Variants in OPCML observed in about 807,000 individuals in gnomAD.
OPCML encodes opioid-binding protein/cell adhesion molecule.
Under a neutral mutation model 37.8 loss-of-function variants are expected in OPCML, and 13 were observed. The observed-to-expected ratio is 0.34, with a 90% CI of 0.22 to 0.55. OPCML has a LOEUF of 0.55. Ranked by LOEUF, OPCML falls within the 20% of genes least tolerant of loss-of-function variation. OPCML has a pLI of 0.91. For missense variants in OPCML, 341 were observed against 435.6 expected, an observed-to-expected ratio of 0.78 and a Z score of 1.93; for synonymous variants, 176 against 168.8, an observed-to-expected ratio of 1.04 and a Z score of -0.33.
At chr11:132,435,970 G>T (rs986855122) in intron 7 of OPCML, 116 bp downstream of exon 7, 1 of 951,934 alleles carries the variant, frequency 1.1e-6, no homozygotes, top group Non-Finnish European at 1.5e-6. Flanking sequence ...TCTACAGGTG[G>T]TGGGTTGAGT....
At chr11:132,959,719 C>T (rs751973166) in intron 1 of OPCML, among the ~76,000 whole-genome samples, 1 of 152,194 alleles carries the variant, frequency 6.6e-6, no homozygotes, top group Non-Finnish European at 1.5e-5. Flanking sequence ...CTACTATACA[C>T]AGGCTCAGAT....
At chr11:132,810,526 A>G (rs187349840) in intron 2 of OPCML, among the ~76,000 whole-genome samples, 1 of 152,232 alleles carries the variant, frequency 6.6e-6, no homozygotes, top group African/African-American at 2.4e-5. Context: ...CCCCTTCTCT[A>G]CTAAAAATAC....
intron 2 of OPCML, among the ~76,000 whole-genome samples, chr11:132,731,838 T>C (rs370358648): frequency 1.3e-5 from 2 of 152,214 alleles, no homozygotes; most frequent in East Asian, 3.9e-4. Flanking sequence ...GTCAACTGCA[T>C]GTAGGAAATG....
chr11:133,140,946 C>CGAAGACGAAGACGAAGACGAA lies in OPCML; in HGVS notation c.62-197937_62-197936insTTCGTCTTCGTCTTCGTCTTC, dbSNP rs1491151678. 1.7e-3 allele frequency among the ~76,000 whole-genome samples: 8 copies of CGAAGACGAAGACGAAGACGAA among 4,658 alleles called. 2 individuals are homozygous for CGAAGACGAAGACGAAGACGAA. Among genetic ancestry groups the CGAAGACGAAGACGAAGACGAA allele is most frequent in the Admixed American group, 4.1e-3 (1 of 246 alleles). 3.1% of individuals were successfully genotyped at this position (4,658 alleles called of 152,430 possible). A position where few individuals can be genotyped will look rare whatever the true frequency, so the allele number is the denominator to read the frequency against. The stretch of plus-strand genomic sequence containing the variant: ...ACGACGACGACGAAGAAGAAGAAGA[C>CGAAGACGAAGACGAAGACGAA]GACGAAGAAGAAGAAGAAGAAGAAG... On this transcript the variant is annotated intron_variant, in intron 1 of 7. Coordinates refer to ENST00000524381, the MANE Select transcript of OPCML (RefSeq NM_001012393.5).
rs1048735525 is a variant in OPCML, at chr11:133,487,787, G to A, written c.61+44477C>T. On this transcript the variant is annotated intron_variant, in intron 1 of 7. Coordinates refer to ENST00000524381, the MANE Select transcript of OPCML (RefSeq NM_001012393.5). ...AGATACTCTGTGTTTGTGTGTGTGT[G>A]TGTGTGTGTGTGTGTGCGTGTGTGT... is the stretch of plus-strand genomic sequence containing the variant. Among the ~76,000 whole-genome samples, 542 of 151,844 alleles carry A rather than the reference G, an allele frequency of 3.6e-3. 4 individuals are homozygous for A. The highest frequency in any genetic ancestry group is 0.013 in the African/African-American group (519 of 41,344).
chr11:133,247,291 C>T (rs978409915), intron 1 of OPCML, among the ~76,000 whole-genome samples: 1 of 152,072 alleles, frequency 6.6e-6, no homozygotes, highest in Non-Finnish European at 1.5e-5. Flanking sequence ...AATAAGGGTG[C>T]TACATTTTTC....
Position 133,147,354 on chromosome 11 carries a change from G to A in OPCML, c.62-204344C>T, listed in dbSNP as rs551339625. On this transcript the variant is annotated intron_variant, in intron 1 of 7. Coordinates refer to ENST00000524381, the MANE Select transcript of OPCML (RefSeq NM_001012393.5). Reference sequence around the variant, plus strand: ...GAGTTATCACTTTTGATAGTCTGGAGGCCAAAGTTGAGAAAGGAGAAAGCT... The same window carrying A: ...GAGTTATCACTTTTGATAGTCTGGAAGCCAAAGTTGAGAAAGGAGAAAGCT... Among the ~76,000 whole-genome samples, 395 of 152,206 alleles carry A rather than the reference G, an allele frequency of 2.6e-3. 4 individuals are homozygous for A. The highest frequency in any genetic ancestry group is 3.9e-3 in the Non-Finnish European group (263 of 68,026).
intron 1 of OPCML, among the ~76,000 whole-genome samples, chr11:133,389,387 T>C (rs1433895980): frequency 6.6e-6 from 1 of 152,184 alleles, no homozygotes; most frequent in Non-Finnish European, 1.5e-5. Flanking sequence ...TTAGTGTGGC[T>C]TTCAGGCTGA....
At chr11:132,710,473 G>A (rs1944215664) in intron 2 of OPCML, among the ~76,000 whole-genome samples, 1 of 152,170 alleles carries the variant, frequency 6.6e-6, no homozygotes, top group Non-Finnish European at 1.5e-5. Context: ...GCCCAAAGTT[G>A]CTCATGATTT....
chr11:132,490,678 G>T (rs1161793183), intron 4 of OPCML, among the ~76,000 whole-genome samples: 2 of 151,938 alleles, frequency 1.3e-5, no homozygotes, highest in Non-Finnish European at 2.9e-5. Flanking sequence ...AATTAGCCGG[G>T]TGTGGTGGCG....
chr11:132,606,988 G>T (rs1938344738), intron 3 of OPCML, among the ~76,000 whole-genome samples: 1 of 152,094 alleles, frequency 6.6e-6, no homozygotes, highest in South Asian at 2.1e-4. Context: ...AGTATGTGTG[G>T]CATAACTTAG....
intron 1 of OPCML, among the ~76,000 whole-genome samples, chr11:133,287,488 G>A (rs10791289): frequency 0.36 from 52,068 of 146,140 alleles, 10,591 homozygotes; most frequent in East Asian, 0.75. Flanking sequence ...CCACCAGACC[G>A]GAAACAGTAA....
At chr11:132,734,944 G>T (rs1425172740) in intron 2 of OPCML, among the ~76,000 whole-genome samples, 1 of 152,154 alleles carries the variant, frequency 6.6e-6, no homozygotes, top group Admixed American at 6.5e-5. Flanking sequence ...GTTATTATGT[G>T]GGGCAGAAAG....
intron 2 of OPCML, among the ~76,000 whole-genome samples, chr11:132,843,087 TC>T (rs1461113200): frequency 0.24 from 22,233 of 94,224 alleles, 2,033 homozygotes; most frequent in South Asian, 0.27. Context: ...GGTTCCTTTT[TC>T]TTTCTTTTTT....
chr11:133,317,764 T>C (rs1036965442), intron 1 of OPCML, among the ~76,000 whole-genome samples: 2 of 152,224 alleles, frequency 1.3e-5, no homozygotes, highest in African/African-American at 4.8e-5. Context: ...GCTTCTAGCT[T>C]ATTAGCAGAA....
intron 2 of OPCML, among the ~76,000 whole-genome samples, chr11:132,909,002 G>T (rs1944336526): frequency 1.4e-5 from 2 of 148,140 alleles, no homozygotes; most frequent in South Asian, 4.3e-4. Context: ...TCGCTCAGGG[G>T]TCGCTGTGCC....
chr11:132,479,387 C>A (rs902798056), intron 4 of OPCML, among the ~76,000 whole-genome samples: 2 of 152,204 alleles, frequency 1.3e-5, no homozygotes, highest in Admixed American at 6.5e-5. Context: ...CCCACGGAAT[C>A]TCGCTGATTG....
chr11:132,689,977 A>G (rs951105377), intron 2 of OPCML, among the ~76,000 whole-genome samples: 1 of 152,252 alleles, frequency 6.6e-6, no homozygotes, highest in African/African-American at 2.4e-5. Flanking sequence ...TACTTTATGT[A>G]TGTAAACAGA....
chr11:133,390,600 G>C lies in OPCML; in HGVS notation c.61+141664C>G, dbSNP rs181306165. Among the ~76,000 whole-genome samples, 4 of 152,292 alleles carry C rather than the reference G, an allele frequency of 2.6e-5. No homozygotes were observed. The East Asian group carries it at 7.7e-4, about 29-fold the overall frequency. On this transcript the variant is annotated intron_variant, in intron 1 of 7. Transcript: ENST00000524381. ...GCCAAGAGAGGTAAGGGGAGTACCA[G>C]GGAAACAGTCTTAATTTGATCAACC...
Sources: allele counts gnomAD v4.1 joint callset (sites outside exome capture counted in the v4.1 genomes callset), GRCh38; gene constraint gnomAD v4.1.1; transcripts MANE v1.5; gene names NCBI Gene and HGNC (gene_info 2026-07-23, HGNC 2026-07-21).